DYRK1B: variants seen among roughly 807,000 people sequenced by gnomAD.
DYRK1B encodes dual specificity tyrosine-phosphorylation-regulated kinase 1B.
Under a neutral mutation model 57.1 loss-of-function variants are expected in DYRK1B, and 20 were observed. That is an observed-to-expected ratio of 0.35 (90% CI 0.25 to 0.51). DYRK1B has a LOEUF of 0.51. Among genes scored for constraint, DYRK1B ranks in the 20% least tolerant of loss-of-function variants. The pLI, the probability that DYRK1B is intolerant of heterozygous loss-of-function variation, is 0.96. For missense variants in DYRK1B, 732 were observed against 886.3 expected, an observed-to-expected ratio of 0.83 and a Z score of 2.21; for synonymous variants, 409 against 384.7, an observed-to-expected ratio of 1.06 and a Z score of -0.74.
intron 5 of DYRK1B, among the ~76,000 whole-genome samples, chr19:39,829,068 G>A (rs1332774443): frequency 6.6e-6 from 1 of 152,214 alleles, no homozygotes; most frequent in Non-Finnish European, 1.5e-5. Flanking sequence ...AACAGCTCTG[G>A]AGTCCACGAC....
At position 39,826,725 on chromosome 19, in the gene DYRK1B, G is replaced by A. The variant is rs755994296; in HGVS notation, c.1358C>T (p.Ala453Val). The A allele has an allele frequency of 2.7e-5, 43 of 1,602,906 alleles. No homozygotes were observed. Among genetic ancestry groups the A allele is most frequent in the East Asian group, 2.5e-4 (11 of 44,384 alleles). ...PAGSSASTSPAPLDTCPSSST... is the reference protein window; with the variant it reads ...PAGSSASTSPVPLDTCPSSST... ...GGAAGAGGGGCAGGTGTCGAGGGGC[G>A]CGGGCGAGGTGGAGGCACTGCTGCC... The change falls in exon 9 of 11, where the codon GCG becomes GTG. Residue 453 changes from alanine to valine, a missense_variant. Physicochemically the swap from Ala to Val is moderately conservative, Grantham distance 64 (BLOSUM62 0). Transcript: ENST00000323039. The surrounding 1 kb of genome is among the most constrained non-coding windows in gnomAD (Gnocchi z 6.3).
Position 39,831,971 on chromosome 19 carries a change from G to A in DYRK1B, c.-101-3C>T, listed in dbSNP as rs1968838670. 7.0e-7 allele frequency: 1 copy of A among 1,424,440 alleles called. No homozygotes were observed. The highest frequency in any genetic ancestry group is 9.2e-7 in the Non-Finnish European group (1 of 1,090,918). The allele number at this position is 1,424,440 out of a possible 1,614,324, so 88.2% of individuals were successfully genotyped here. On this transcript the variant is annotated splice_polypyrimidine_tract_variant and splice_region_variant and intron_variant, in intron 1 of 10. Coordinates refer to ENST00000323039, the MANE Select transcript of DYRK1B (RefSeq NM_004714.3). ...TCGGCTGCCACCGCCGCTGAGACCTGAGAGCAGACAGGAAGTGGGAAAACA... is the reference window on the plus strand; with the variant it reads ...TCGGCTGCCACCGCCGCTGAGACCTAAGAGCAGACAGGAAGTGGGAAAACA...
At position 39,825,590 on chromosome 19, in the gene DYRK1B, C is replaced by T; in HGVS notation, c.*125G>A. On this transcript the variant is annotated 3_prime_UTR_variant, in exon 11 of 11. Transcript: ENST00000323039. ...CCCCTGCCCCAGGCCCCAATCAGTG[C>T]AGGCCTCACCCACCCCAGCTGGGTA... 1 of 1,059,400 alleles carries T rather than the reference C, an allele frequency of 9.4e-7. No homozygotes were observed. The highest frequency in any genetic ancestry group is 1.5e-5 in the South Asian group (1 of 66,174). The allele number at this position is 1,059,400 out of a possible 1,614,324, so 65.6% of individuals were successfully genotyped here. A position where few individuals can be genotyped will look rare whatever the true frequency, so the allele number is the denominator to read the frequency against.
At chr19:39,829,746 G>A (rs1051047779) in intron 5 of DYRK1B, 134 bp downstream of exon 5, 2 of 982,640 alleles carry the variant, frequency 2.0e-6, no homozygotes, top group Non-Finnish European at 2.9e-6. Context: ...ACTGATGTCA[G>A]AGAAGCACAG....
intron 8 of DYRK1B, 31 bp from the exon 9 acceptor site, chr19:39,827,018 G>T: frequency 7.2e-7 from 1 of 1,380,200 alleles, no homozygotes; most frequent in Non-Finnish European, 9.5e-7. Flanking sequence ...GGGGGGGCAA[G>T]AGAGTGGCCG....
rs377036516 is a variant in DYRK1B, at chr19:39,828,513, C to T, written c.591G>A (p.Leu197=). The change falls in exon 6 of 11, where the codon CTG becomes CTA. Residue 197 remains leucine, a synonymous_variant. Coordinates refer to ENST00000323039, the MANE Select transcript of DYRK1B (RefSeq NM_004714.3). This position sits in a 1 kb window ranked among gnomAD's most constrained non-coding sequence, Gnocchi z 4.3. ...CLVFELLSYN[L]YDLLRNTHFR... ...AGTGGGTGTTGCGCAGGAGGTCGTA[C>T]AGGTTGTAGGACAGCAGCTCAAATA... 24 of 1,613,592 alleles carry T rather than the reference C, an allele frequency of 1.5e-5. No homozygotes were observed. In the African/African-American group the frequency reaches 2.9e-4, roughly 20 times the overall value.
rs759230929 is a variant in DYRK1B, at chr19:39,829,689, C to T, written c.520+191G>A. On this transcript the variant is annotated intron_variant, in intron 5 of 10. Coordinates refer to ENST00000323039, the MANE Select transcript of DYRK1B (RefSeq NM_004714.3). ...TGGTGAGCACTCAGTAACCTCTGACCATTACCAAGAAAATAGGACAAAAAT... is the reference window on the plus strand; with the variant it reads ...TGGTGAGCACTCAGTAACCTCTGACTATTACCAAGAAAATAGGACAAAAAT... 5 of 652,158 alleles carry T rather than the reference C, an allele frequency of 7.7e-6. No homozygotes were observed. In the African/African-American group the frequency reaches 9.2e-5, roughly 12 times the overall value. The allele number at this position is 652,158 out of a possible 1,614,324, so 40.4% of individuals were successfully genotyped here. A position where few individuals can be genotyped will look rare whatever the true frequency, so the allele number is the denominator to read the frequency against.
chr19:39,828,672 C>CT lies in DYRK1B; in HGVS notation c.521-90dup. ...GGGGTCATACAACGCTCTTTGATTA[C>CT]TAGCCACATTGTGCTGTCCCCACGG... On this transcript the variant is annotated intron_variant, in intron 5 of 10. Coordinates refer to ENST00000323039, the MANE Select transcript of DYRK1B (RefSeq NM_004714.3). This position sits in a 1 kb window ranked among gnomAD's most constrained non-coding sequence, Gnocchi z 4.3. 1 of 1,372,238 alleles carries CT rather than the reference C, an allele frequency of 7.3e-7. No homozygotes were observed. The highest frequency in any genetic ancestry group is 1.0e-6 in the Non-Finnish European group (1 of 1,003,200). 85.0% of individuals were successfully genotyped at this position (1,372,238 alleles called of 1,614,324 possible). A position where few individuals can be genotyped will look rare whatever the true frequency, so the allele number is the denominator to read the frequency against.
At chr19:39,830,263 CT>C in intron 4 of DYRK1B, 111 bp downstream of exon 4, 3 of 1,396,342 alleles carry the variant, frequency 2.1e-6, no homozygotes, top group Non-Finnish European at 3.0e-6. Flanking sequence ...CACAGGGAAA[CT>C]AAGTGGGCTA....
rs1206450389 is a variant in DYRK1B, at chr19:39,825,875, G to T, written c.1730C>A (p.Pro577Gln). The change falls in exon 11 of 11, where the codon CCA (proline) becomes CAA (glutamine). Residue 577 changes from proline (P) to glutamine (Q), a missense_variant. This residue lies in a region of DYRK1B where 222 missense variants were observed against 205.0 expected (regional missense o/e 1.08). Transcript: ENST00000323039. ...CTGGGGGGCAGGCGCTGGGTGAGGTGGGGAGCAGTCAGCAGGGCCGCCCAC... is the reference window on the plus strand; with the variant it reads ...CTGGGGGGCAGGCGCTGGGTGAGGTTGGGAGCAGTCAGCAGGGCCGCCCAC... ...SLVGGPADCSPPHPAPAPQHP... is the reference protein window; with the variant it reads ...SLVGGPADCSQPHPAPAPQHP... 1 of 1,596,726 alleles carries T rather than the reference G, an allele frequency of 6.3e-7. No homozygotes were observed. The highest frequency in any genetic ancestry group is 1.7e-5 in the Admixed American group (1 of 58,624).
intron 1 of DYRK1B, chr19:39,833,077 C>T: frequency 1.0e-6 from 1 of 985,386 alleles, no homozygotes; most frequent in Non-Finnish European, 1.2e-6. Context: ...GTTCTCTCCT[C>T]CCAGAGTTGT....
Position 39,826,085 on chromosome 19 carries a change from A to G in DYRK1B, c.1520T>C (p.Val507Ala), listed in dbSNP as rs1393223368. ...ITDCEMNSPQ[V>A]PPSQPLRPWA... ...GGGCCGCAGCGGCTGGGAGGGTGGG[A>G]CCTAAAAAAGCAAAGGAGCCATGGG... Residue 507 changes from valine (V) to alanine (A), a missense_variant and splice_region_variant, in exon 11 of 11, where the codon GTC (valine) becomes GCC (alanine). This residue lies in a region of DYRK1B where 222 missense variants were observed against 205.0 expected (regional missense o/e 1.08). Coordinates refer to ENST00000323039, the MANE Select transcript of DYRK1B (RefSeq NM_004714.3). The surrounding 1 kb of genome is among the most constrained non-coding windows in gnomAD (Gnocchi z 6.3). 2.0e-6 allele frequency: 3 copies of G among 1,524,406 alleles called. No individual in the cohort carries two copies. 94.4% of individuals were successfully genotyped at this position (1,524,406 alleles called of 1,614,324 possible).
intron 8 of DYRK1B, 39 bp downstream of exon 8, chr19:39,827,246 C>A: frequency 6.4e-7 from 1 of 1,574,168 alleles, no homozygotes. Context: ...GAGTGAGGGG[C>A]CACGGGGTGG....
Position 39,825,771 on chromosome 19 carries a change from G to A in DYRK1B, c.1834C>T (p.Leu612=). 2.5e-6 allele frequency: 4 copies of A among 1,569,622 alleles called. No individual in the cohort carries two copies. The highest frequency in any genetic ancestry group is 3.5e-6 in the Non-Finnish European group (4 of 1,158,466). The change falls in exon 11 of 11, where the codon CTG becomes TTG. Residue 612 remains leucine, a synonymous_variant. Transcript: ENST00000323039. ...PLPPPDDPAT[L]GPHLGLRGVP... is the part of the protein sequence containing the mutation. ...CCACGGAGGCCCAGGTGAGGCCCCA[G>A]AGTGGCAGGGTCATCAGGAGGCGGG...
intron 2 of DYRK1B, 59 bp from the exon 3 acceptor site, chr19:39,830,842 G>A (rs1968779038): frequency 3.8e-5 from 59 of 1,549,568 alleles, no homozygotes; most frequent in Non-Finnish European, 4.9e-5. Flanking sequence ...GACCTCAAGA[G>A]GAAGAACTGT....
At position 39,830,398 on chromosome 19, in the gene DYRK1B, T is replaced by C. The variant is rs1277297748; in HGVS notation, c.349A>G (p.Ile117Val). The change falls in exon 4 of 11, where the codon ATT becomes GTT. Residue 117 changes from isoleucine to valine, a missense_variant. Ile to Val is a conservative substitution (Grantham distance 29). Around this residue, in one of 2 missense-constraint regions of DYRK1B, gnomAD observed 510 missense variants for 681.3 expected, o/e 0.75. Transcript: ENST00000323039. Reference sequence around the variant, plus strand: ...ACCTGGCCAAAGGAGCCTTTGCCAATGAGCGAGTCAATTTCGTAGCGCTCC... The same window carrying C: ...ACCTGGCCAAAGGAGCCTTTGCCAACGAGCGAGTCAATTTCGTAGCGCTCC... ...WLERYEIDSL[I>V]GKGSFGQVVK... 1.9e-6 allele frequency: 3 copies of C among 1,614,004 alleles called. No homozygotes were observed. The highest frequency in any genetic ancestry group is 1.3e-5 in the African/African-American group (1 of 74,928).
Position 39,831,995 on chromosome 19 carries a change from C to G in DYRK1B, c.-101-27G>C, listed in dbSNP as rs1968840102. 5.7e-6 allele frequency: 8 copies of G among 1,415,574 alleles called. No homozygotes were observed. The Admixed American group carries it at 2.2e-4, about 38-fold the overall frequency. The allele number at this position is 1,415,574 out of a possible 1,614,324, so 87.7% of individuals were successfully genotyped here. On this transcript the variant is annotated intron_variant, in intron 1 of 10. Transcript: ENST00000323039. Reference sequence around the variant, plus strand: ...TGAGAGCAGACAGGAAGTGGGAAAACAACATGGAACAAGGGGATATGTGAA... The same window carrying G: ...TGAGAGCAGACAGGAAGTGGGAAAAGAACATGGAACAAGGGGATATGTGAA...
intron 4 of DYRK1B, 172 bp from the exon 5 acceptor site, chr19:39,830,199 G>T: frequency 1.8e-6 from 2 of 1,134,538 alleles, no homozygotes; most frequent in Non-Finnish European, 2.5e-6. Context: ...ATAACATAAC[G>T]ACCTTATGTT....
intron 4 of DYRK1B, 96 bp downstream of exon 4, chr19:39,830,279 G>T: frequency 1.3e-6 from 2 of 1,488,012 alleles, no homozygotes; most frequent in Non-Finnish European, 1.9e-6. Context: ...GGGCTAGGGT[G>T]AGTGGCCCAG....
Sources: allele counts gnomAD v4.1 joint callset (sites outside exome capture counted in the v4.1 genomes callset), GRCh38; gene constraint gnomAD v4.1.1; regional missense constraint gnomAD v4.1.1; non-coding constraint Gnocchi (gnomAD v3.1); transcripts MANE v1.5; gene names NCBI Gene and HGNC (gene_info 2026-07-23, HGNC 2026-07-21).